Variants in CTNND2 observed in about 807,000 individuals in gnomAD.
CTNND2 encodes the protein catenin delta-2.
CTNND2 carries 22 observed loss-of-function variants against 144.4 expected under a neutral mutation model. The observed-to-expected ratio is 0.15, with a 90% confidence interval of 0.11 to 0.22. CTNND2 has a LOEUF of 0.22. Among genes scored for constraint, CTNND2 ranks in the 10% least tolerant of loss-of-function variants. The pLI is 1.00. For missense variants in CTNND2, 1,353 were observed against 1,618.8 expected, an observed-to-expected ratio of 0.84 and a Z score of 2.82; for synonymous variants, 751 against 695.6, an observed-to-expected ratio of 1.08 and a Z score of -1.25.
chr5:11,084,512 G>A (rs1749927879), intron 15 of CTNND2, among the ~76,000 whole-genome samples: 1 of 152,224 alleles, frequency 6.6e-6, no homozygotes, highest in Non-Finnish European at 1.5e-5. Flanking sequence ...ATGCAAATCA[G>A]GGTGTGGGGT....
Position 11,589,313 on chromosome 5 carries a change from GACA to G in CTNND2, c.175-24260_175-24258del, listed in dbSNP as rs147045294. The stretch of plus-strand genomic sequence containing the variant: ...CACACACACACACACACACACACAC[GACA>G]ACAACAACAACAAAAAAACACATCA... On this transcript the variant is annotated intron_variant, in intron 2 of 21. Coordinates refer to ENST00000304623, the MANE Select transcript of CTNND2 (RefSeq NM_001332.4). Among the ~76,000 whole-genome samples, 133 of 87,066 alleles carry G rather than the reference GACA, an allele frequency of 1.5e-3. 1 individual carries two copies. The highest frequency in any genetic ancestry group is 4.3e-3 in the African/African-American group (120 of 28,110). The allele number at this position is 87,066 out of a possible 152,430, so 57.1% of individuals were successfully genotyped here.
chr5:11,364,399 C>T (rs1052920417), intron 8 of CTNND2, among the ~76,000 whole-genome samples: 7 of 152,208 alleles, frequency 4.6e-5, no homozygotes, highest in Admixed American at 6.5e-5. Flanking sequence ...AGATTCATTA[C>T]GTAAGTGAAT....
intron 19 of CTNND2, among the ~76,000 whole-genome samples, chr5:10,990,848 C>T (rs1431047457): frequency 6.6e-6 from 1 of 152,224 alleles, no homozygotes; most frequent in Non-Finnish European, 1.5e-5. Context: ...ACAGCCCTGC[C>T]TGCTCGCGAG....
intron 9 of CTNND2, among the ~76,000 whole-genome samples, chr5:11,321,945 T>C (rs2150069740): frequency 6.6e-6 from 1 of 152,242 alleles, no homozygotes; most frequent in Middle Eastern, 3.4e-3. Flanking sequence ...CTGGTTATGT[T>C]ACCTCCCAGG....
intron 12 of CTNND2, among the ~76,000 whole-genome samples, chr5:11,120,501 GGGT>G (rs1754001873): frequency 6.8e-5 from 10 of 147,962 alleles, no homozygotes; most frequent in Admixed American, 1.3e-4. Context: ...CTGTCCGCAG[GGGT>G]AATGAGGCTC....
At chr5:11,773,604 G>A (rs1241082358) in intron 1 of CTNND2, among the ~76,000 whole-genome samples, 2 of 152,200 alleles carry the variant, frequency 1.3e-5, no homozygotes, top group African/African-American at 2.4e-5. Context: ...GAGGTCAGGA[G>A]TTAGAGGCCA....
intron 8 of CTNND2, among the ~76,000 whole-genome samples, chr5:11,359,130 C>T (rs890867578): frequency 6.6e-6 from 1 of 152,208 alleles, no homozygotes; most frequent in African/African-American, 2.4e-5. Flanking sequence ...GCTTAATAGA[C>T]TTTACCACAA....
chr5:11,569,495 T>C (rs943422527), intron 2 of CTNND2, among the ~76,000 whole-genome samples: 3 of 152,166 alleles, frequency 2.0e-5, no homozygotes, highest in African/African-American at 7.2e-5. Context: ...TAATGATTTA[T>C]TTGGTTTAAT....
chr5:11,381,230 G>A (rs77968266), intron 7 of CTNND2, among the ~76,000 whole-genome samples: 5,270 of 152,160 alleles, frequency 0.035, 265 homozygotes, highest in East Asian at 0.15. Flanking sequence ...GCTCCCAACT[G>A]ACATTCTTGC....
intron 1 of CTNND2, among the ~76,000 whole-genome samples, chr5:11,884,034 T>G (rs892333653): frequency 6.6e-6 from 1 of 152,212 alleles, no homozygotes; most frequent in African/African-American, 2.4e-5. Flanking sequence ...GTTGTTTTTT[T>G]CTTGTACATT....
intron 16 of CTNND2, among the ~76,000 whole-genome samples, chr5:11,066,425 T>C (rs895915982): frequency 1.3e-5 from 2 of 152,032 alleles, no homozygotes; most frequent in Non-Finnish European, 2.9e-5. Flanking sequence ...AACCAGAAAA[T>C]GTTTAAATTT....
At chr5:11,311,320 A>C (rs1750818988) in intron 9 of CTNND2, among the ~76,000 whole-genome samples, 2 of 135,402 alleles carry the variant, frequency 1.5e-5, no homozygotes, top group African/African-American at 5.6e-5. Context: ...ACTCACCCTC[A>C]CCCCACATGC....
chr5:11,698,461 G>A (rs1785243442), intron 2 of CTNND2, among the ~76,000 whole-genome samples: 1 of 151,828 alleles, frequency 6.6e-6, no homozygotes, highest in African/African-American at 2.4e-5. Flanking sequence ...GCTAATTTTT[G>A]TATTTTTAGT....
chr5:11,895,265 C>T (rs1261473949), intron 1 of CTNND2, among the ~76,000 whole-genome samples: 1 of 152,192 alleles, frequency 6.6e-6, no homozygotes, highest in Non-Finnish European at 1.5e-5. Flanking sequence ...GTGGGAAAAG[C>T]AAACGCCAGA....
intron 8 of CTNND2, among the ~76,000 whole-genome samples, chr5:11,354,979 G>C (rs1232247466): frequency 6.6e-6 from 1 of 152,082 alleles, no homozygotes; most frequent in African/African-American, 2.4e-5. Flanking sequence ...AAATTAACAT[G>C]CTCCTGAACC....
intron 15 of CTNND2, among the ~76,000 whole-genome samples, chr5:11,096,999 A>G (rs928610089): frequency 2.0e-5 from 3 of 152,214 alleles, no homozygotes; most frequent in Non-Finnish European, 2.9e-5. Context: ...TCATGGGCAC[A>G]TACAGTGTCT....
intron 3 of CTNND2, among the ~76,000 whole-genome samples, chr5:11,558,378 G>GTGTA (rs1221020161): frequency 3.4e-4 from 16 of 46,686 alleles, no homozygotes; most frequent in South Asian, 9.2e-4. Flanking sequence ...GTGTGTGTGT[G>GTGTA]TGTGACACAC....
intron 9 of CTNND2, among the ~76,000 whole-genome samples, chr5:11,333,727 G>A (rs887249835): frequency 2.6e-5 from 4 of 152,176 alleles, no homozygotes; most frequent in East Asian, 1.9e-4. Flanking sequence ...AAGATCCAAA[G>A]GCTCTACTGA....
rs533885003 is a variant in CTNND2, at chr5:11,903,190, T to C, written c.37+627A>G. On this transcript the variant is annotated intron_variant, in intron 1 of 21. Coordinates refer to ENST00000304623, the MANE Select transcript of CTNND2 (RefSeq NM_001332.4). The surrounding 1 kb of genome is among the most constrained non-coding windows in gnomAD (Gnocchi z 5.4). Reference sequence around the variant, plus strand: ...TCCAAACCTGGCTTTCAGGCGGCGCTTTCTGGAGCCTGGCTGTCTATTGTC... The same window carrying C: ...TCCAAACCTGGCTTTCAGGCGGCGCCTTCTGGAGCCTGGCTGTCTATTGTC... The C allele has an allele frequency of 1.0e-6, 1 of 985,446 alleles. No individual in the cohort carries two copies. The highest frequency in any genetic ancestry group is 1.1e-4 in the East Asian group (1 of 8,792). 61.0% of individuals were successfully genotyped at this position (985,446 alleles called of 1,614,324 possible).
Sources: allele counts gnomAD v4.1 joint callset (sites outside exome capture counted in the v4.1 genomes callset), GRCh38; gene constraint gnomAD v4.1.1; non-coding constraint Gnocchi (gnomAD v3.1); transcripts MANE v1.5; gene names NCBI Gene and HGNC (gene_info 2026-07-23, HGNC 2026-07-21).